Variants in MLLT3 observed in about 807,000 individuals in gnomAD.
The protein encoded by MLLT3 is protein AF-9.
Under a neutral mutation model 53.2 loss-of-function variants are expected in MLLT3, and 4 were observed. The ratio of observed to expected loss-of-function variants is 0.08; its 90% CI spans 0.04 to 0.17. MLLT3 has a LOEUF of 0.17. Among genes scored for constraint, MLLT3 ranks in the 10% least tolerant of loss-of-function variants. The pLI is 1.00. For synonymous variants in MLLT3, 283 were observed against 230.6 expected, an observed-to-expected ratio of 1.23 and a Z score of -2.06; for missense variants, 569 against 684.0, an observed-to-expected ratio of 0.83 and a Z score of 1.87.
rs150448628 is a variant in MLLT3 at position 20,564,925 on chromosome 9, C to A, written c.193+55729G>T. Among the ~76,000 whole-genome samples the A allele has an allele frequency of 5.2e-3, 788 of 152,232 alleles. 3 individuals are homozygous for A. Among genetic ancestry groups the A allele is most frequent in the Non-Finnish European group, 8.8e-3 (601 of 68,008 alleles). ...TTGTAGTCAGGGGAGAAATACCACA[C>A]GGTATGGGTAGCACTTAATATGACT... On this transcript the variant is annotated intron_variant, in intron 2 of 10. Coordinates refer to ENST00000380338, the MANE Select transcript of MLLT3 (RefSeq NM_004529.4).
At position 20,342,386 on chromosome 9, in the gene MLLT3, A is replaced by G. The variant is rs1587130562; in HGVS notation, c.*4057T>C. 1.3e-5 allele frequency: 3 copies of G among 223,552 alleles called. No homozygotes were observed. In the Admixed American group the frequency reaches 1.7e-4, roughly 13 times the overall value. The allele number at this position is 223,552 out of a possible 1,614,324, so 13.8% of individuals were successfully genotyped here. A position where few individuals can be genotyped will look rare whatever the true frequency, so the allele number is the denominator to read the frequency against. On this transcript the variant is annotated 3_prime_UTR_variant, in exon 11 of 11. Transcript: ENST00000380338. ...ACTACACATACACAGTCCATTAAAA[A>G]GATACTGACAGATTTATAAAATGTA...
At chr9:20,408,207 A>G (rs1424951408) in intron 5 of MLLT3, among the ~76,000 whole-genome samples, 1 of 152,168 alleles carries the variant, frequency 6.6e-6, no homozygotes, top group Non-Finnish European at 1.5e-5. Flanking sequence ...CCTTAATTTA[A>G]GAACTGAGAT....
intron 2 of MLLT3, among the ~76,000 whole-genome samples, chr9:20,537,279 T>C (rs184640356): frequency 6.6e-6 from 1 of 152,340 alleles, no homozygotes; most frequent in East Asian, 1.9e-4. Context: ...ATAGAATGTA[T>C]TCCATATAAG....
At chr9:20,573,800 A>G (rs951447506) in intron 2 of MLLT3, among the ~76,000 whole-genome samples, 5 of 152,232 alleles carry the variant, frequency 3.3e-5, no homozygotes, top group Non-Finnish European at 5.9e-5. Flanking sequence ...TTTGCACATT[A>G]CATAAACCAT....
At chr9:20,356,661 A>G (rs1172887726) in intron 8 of MLLT3, among the ~76,000 whole-genome samples, 1 of 151,754 alleles carries the variant, frequency 6.6e-6, no homozygotes, top group Non-Finnish European at 1.5e-5. Context: ...CCCTCCTCCA[A>G]CTCCTGTACT....
chr9:20,481,227 A>G (rs1229436349), intron 2 of MLLT3, among the ~76,000 whole-genome samples: 1 of 152,220 alleles, frequency 6.6e-6, no homozygotes, highest in Non-Finnish European at 1.5e-5. Context: ...ACTTTTTCCT[A>G]ATGATGGACT....
intron 2 of MLLT3, among the ~76,000 whole-genome samples, chr9:20,501,335 T>C (rs1825219973): frequency 1.3e-5 from 2 of 152,132 alleles, no homozygotes; most frequent in African/African-American, 4.8e-5. Context: ...CGAAGGCAAA[T>C]AAGACAGTTT....
chr9:20,480,930 A>G (rs1824646016), intron 2 of MLLT3, among the ~76,000 whole-genome samples: 1 of 152,252 alleles, frequency 6.6e-6, no homozygotes, highest in South Asian at 2.1e-4. Context: ...AATAAAAGGC[A>G]AACCTATAAA....
At chr9:20,506,816 A>C (rs1825393550) in intron 2 of MLLT3, among the ~76,000 whole-genome samples, 1 of 152,256 alleles carries the variant, frequency 6.6e-6, no homozygotes, top group Non-Finnish European at 1.5e-5. Flanking sequence ...TATGGCAAGC[A>C]TATGGGAAAG....
intron 2 of MLLT3, among the ~76,000 whole-genome samples, chr9:20,528,317 A>G (rs746116067): frequency 6.6e-6 from 1 of 152,248 alleles, no homozygotes; most frequent in Non-Finnish European, 1.5e-5. Context: ...TAATGCATTT[A>G]ATCTGTTACA....
intron 2 of MLLT3, among the ~76,000 whole-genome samples, chr9:20,500,926 C>G (rs186151770): frequency 2.0e-5 from 3 of 152,300 alleles, no homozygotes; most frequent in East Asian, 3.9e-4. Context: ...CTAGCCCTCC[C>G]AATAATTATT....
chr9:20,534,149 A>C (rs1255404311), intron 2 of MLLT3, among the ~76,000 whole-genome samples: 2 of 152,246 alleles, frequency 1.3e-5, no homozygotes, highest in African/African-American at 4.8e-5. Flanking sequence ...GTTATTATAC[A>C]AAATAGGGAT....
intron 2 of MLLT3, among the ~76,000 whole-genome samples, chr9:20,576,347 G>C (rs1453399403): frequency 6.6e-6 from 1 of 152,136 alleles, no homozygotes; most frequent in African/African-American, 2.4e-5. Context: ...CATTGGAGTA[G>C]CTCTTTTAAT....
intron 2 of MLLT3, among the ~76,000 whole-genome samples, chr9:20,522,329 T>C (rs1279134437): frequency 3.3e-5 from 5 of 151,894 alleles, no homozygotes; most frequent in Non-Finnish European, 4.4e-5. Context: ...AGTTCTGTGC[T>C]GTATTTAAAT....
chr9:20,548,419 T>G lies in MLLT3; in HGVS notation c.193+72235A>C, dbSNP rs537472718. ...TTGTTCTCTGAAAAGCCATCAGCATTTGGAGTCTGAACAATGGTAAATGAA... is the reference window on the plus strand; with the variant it reads ...TTGTTCTCTGAAAAGCCATCAGCATGTGGAGTCTGAACAATGGTAAATGAA... On this transcript the variant is annotated intron_variant, in intron 2 of 10. Coordinates refer to ENST00000380338, the MANE Select transcript of MLLT3 (RefSeq NM_004529.4). 3.3e-4 allele frequency among the ~76,000 whole-genome samples: 50 copies of G among 152,344 alleles called. No individual in the cohort carries two copies. In the South Asian group the frequency reaches 5.6e-3, roughly 17 times the overall value.
chr9:20,405,985 G>A (rs898299159), intron 5 of MLLT3, among the ~76,000 whole-genome samples: 8 of 152,086 alleles, frequency 5.3e-5, no homozygotes, highest in Admixed American at 2.0e-4. Flanking sequence ...GGTGGTATGC[G>A]CCTGTGATTC....
At chr9:20,440,614 T>G (rs542947242) in intron 4 of MLLT3, among the ~76,000 whole-genome samples, 10 of 152,300 alleles carry the variant, frequency 6.6e-5, no homozygotes, top group African/African-American at 2.4e-4. Context: ...TAGAAGAGAA[T>G]GAACTCAGAC....
At chr9:20,404,591 A>G (rs1370496917) in intron 5 of MLLT3, among the ~76,000 whole-genome samples, 4 of 152,188 alleles carry the variant, frequency 2.6e-5, no homozygotes. Context: ...TGCAGCCTAG[A>G]GCTCCTGAGT....
chr9:20,513,302 TCTGA>T (rs1282212301), intron 2 of MLLT3, among the ~76,000 whole-genome samples: 2 of 152,148 alleles, frequency 1.3e-5, no homozygotes, highest in African/African-American at 4.8e-5. Flanking sequence ...CTGGGAGAGC[TCTGA>T]CTAAGAGGAA....
Sources: gnomAD v4.1 joint callset for allele counts (sites outside exome capture counted in the v4.1 genomes callset) on GRCh38, gnomAD v4.1.1 for gene constraint, MANE v1.5 for transcripts, NCBI Gene and HGNC (gene_info 2026-07-23, HGNC 2026-07-21) for gene names.